Variants in UAP1 observed in about 807,000 individuals in gnomAD.
UAP1 encodes UDP-N-acetylglucosamine pyrophosphorylase 1.
UAP1 carries 25 observed loss-of-function variants against 58.5 expected under a neutral mutation model. The ratio of observed to expected loss-of-function variants is 0.43; its 90% CI spans 0.31 to 0.60. The LOEUF (loss-of-function observed/expected upper bound fraction) is 0.60. UAP1 is among the 20% of genes least tolerant of loss of function. The pLI is 0.11. For missense variants in UAP1, 575 were observed against 630.0 expected, an observed-to-expected ratio of 0.91 and a Z score of 0.93; for synonymous variants, 208 against 213.0, an observed-to-expected ratio of 0.98 and a Z score of 0.21.
At chr1:162,597,836 C>T in exon 10 of UAP1, 1 of 1,613,184 alleles carries the variant, frequency 6.2e-7, no homozygotes, top group Non-Finnish European at 8.5e-7. Context: ...GAAATCTCTC[C>T]TCTTATCTCC....
At chr1:162,583,224 C>G (rs35823656) in intron 5 of UAP1, among the ~76,000 whole-genome samples, 9,328 of 133,872 alleles carry the variant, frequency 0.07, 441 homozygotes, top group Non-Finnish European at 0.095. Context: ...ATGATCTTGG[C>G]TCACTGCAAC....
At chr1:162,598,273 T>G (rs1655731563) in intron 10 of UAP1, among the ~76,000 whole-genome samples, 1 of 148,606 alleles carries the variant, frequency 6.7e-6, no homozygotes. Context: ...TTGTTTTATG[T>G]TTAAGTAGGG....
At chr1:162,579,141 A>G (rs1349694705) in intron 3 of UAP1, among the ~76,000 whole-genome samples, 14 of 152,184 alleles carry the variant, frequency 9.2e-5, no homozygotes, top group Admixed American at 9.2e-4. Context: ...CAGAGTTCTA[A>G]AATGTTTACT....
rs375854836 is a variant in UAP1, at chr1:162,599,390, G to A, written c.*27G>A. On this transcript the variant is annotated 3_prime_UTR_variant, in exon 11 of 11. Transcript: ENST00000271469. ...CCAGATACCAAGTTTTGTTTGCCAC[G>A]ATAGGAATAGCTTTTATTTTTGATA... is the stretch of plus-strand genomic sequence containing the variant. 5.4e-5 allele frequency: 80 copies of A among 1,472,474 alleles called. No homozygotes were observed. In the East Asian group the frequency reaches 8.0e-4, roughly 15 times the overall value. The allele number at this position is 1,472,474 out of a possible 1,614,324, so 91.2% of individuals were successfully genotyped here. A position where few individuals can be genotyped will look rare whatever the true frequency, so the allele number is the denominator to read the frequency against.
At chr1:162,580,309 A>G (rs1654504899) in intron 4 of UAP1, among the ~76,000 whole-genome samples, 1 of 152,252 alleles carries the variant, frequency 6.6e-6, no homozygotes, top group Non-Finnish European at 1.5e-5. Context: ...TAGCATTAAA[A>G]TAATTGGTGG....
At chr1:162,599,925 G>A (rs1298020561), downstream of UAP1, 1 of 152,220 alleles carries the variant, frequency 6.6e-6, no homozygotes, top group Non-Finnish European at 1.5e-5. Context: ...ACAAATTGAT[G>A]CTTCAGTGAG....
At chr1:162,579,085 T>G (rs545390510) in intron 3 of UAP1, among the ~76,000 whole-genome samples, 1 of 152,314 alleles carries the variant, frequency 6.6e-6, no homozygotes, top group South Asian at 2.1e-4. Context: ...ACCCTTTTCT[T>G]CCTGTTTATT....
rs67627704 is a variant in UAP1, at chr1:162,577,435, CTTTTTTTTTTTTT to C, written c.485+473_485+485del. Among the ~76,000 whole-genome samples, 749 of 95,270 alleles carry C rather than the reference CTTTTTTTTTTTTT, an allele frequency of 7.9e-3. 12 individuals are homozygous for C. The highest frequency in any genetic ancestry group is 0.033 in the African/African-American group (684 of 21,042). The allele number at this position is 95,270 out of a possible 152,430, so 62.5% of individuals were successfully genotyped here. A position where few individuals can be genotyped will look rare whatever the true frequency, so the allele number is the denominator to read the frequency against. On this transcript the variant is annotated intron_variant, in intron 3 of 10. Transcript: ENST00000271469. ...ACCTTGGTCAGTGTTAGTTCCTTCC[CTTTTTTTTTTTTT>C]TTTTTTTTTTTTTTTTTTGAGACAG... is the stretch of plus-strand genomic sequence containing the variant.
At chr1:162,587,750 C>T (rs891023851) in intron 6 of UAP1, 82 bp downstream of exon 6, 1 of 1,315,818 alleles carries the variant, frequency 7.6e-7, no homozygotes, top group Non-Finnish European at 1.1e-6. Flanking sequence ...GCAGACACCC[C>T]AAGTCCATAT....
chr1:162,569,890 C>G (rs953367489), intron 2 of UAP1, among the ~76,000 whole-genome samples: 30 of 152,046 alleles, frequency 2.0e-4, no homozygotes, highest in African/African-American at 7.2e-4. Context: ...TGGCTCATGC[C>G]TGTAATCCCA....
intron 2 of UAP1, among the ~76,000 whole-genome samples, chr1:162,574,282 G>T (rs979528469): frequency 6.6e-6 from 1 of 151,776 alleles, no homozygotes; most frequent in South Asian, 2.1e-4. Flanking sequence ...CAGTAGAGAC[G>T]GGGTTTCACC....
At chr1:162,563,854 C>T (rs977750420) in intron 1 of UAP1, among the ~76,000 whole-genome samples, 15 of 152,128 alleles carry the variant, frequency 9.9e-5, no homozygotes, top group Non-Finnish European at 1.9e-4. Context: ...GGTTGGTTGT[C>T]TTATATTCAT....
intron 3 of UAP1, among the ~76,000 whole-genome samples, chr1:162,578,710 A>G (rs529172474): frequency 6.6e-6 from 1 of 152,356 alleles, no homozygotes; most frequent in African/African-American, 2.4e-5. Flanking sequence ...TATCCAGGAT[A>G]ATTTGTTAAA....
chr1:162,588,657 G>A lies in UAP1; in HGVS notation c.1029-36G>A, dbSNP rs1188567404. On this transcript the variant is annotated intron_variant, in intron 6 of 10. Transcript: ENST00000271469. Reference sequence around the variant, plus strand: ...AAGATTTTCTGGCATTTTAAATCTGGAACGTGATTATATCTTTTCTCCTCC... The same window carrying A: ...AAGATTTTCTGGCATTTTAAATCTGAAACGTGATTATATCTTTTCTCCTCC... The A allele has an allele frequency of 1.9e-6, 3 of 1,578,984 alleles. No individual in the cohort carries two copies. In the African/African-American group the frequency reaches 4.1e-5, roughly 22 times the overall value.
chr1:162,589,339 G>T (rs1458507247), intron 7 of UAP1, among the ~76,000 whole-genome samples: 2 of 141,396 alleles, frequency 1.4e-5, no homozygotes, highest in Admixed American at 7.7e-5. Flanking sequence ...TATTAAATGT[G>T]ATGGGGTCTT....
chr1:162,595,883 G>T (rs1655590861), intron 9 of UAP1, among the ~76,000 whole-genome samples: 1 of 152,024 alleles, frequency 6.6e-6, no homozygotes, highest in Non-Finnish European at 1.5e-5. Context: ...ACAGTGTCTT[G>T]CTCTGTTGCC....
At chr1:162,585,319 G>A (rs992939379) in intron 5 of UAP1, among the ~76,000 whole-genome samples, 5 of 151,464 alleles carry the variant, frequency 3.3e-5, no homozygotes, top group East Asian at 1.9e-4. Flanking sequence ...GCGCAATGGC[G>A]CAATCTTGGC....
At chr1:162,563,670 G>A (rs1653316638) in intron 1 of UAP1, among the ~76,000 whole-genome samples, 1 of 152,160 alleles carries the variant, frequency 6.6e-6, no homozygotes, top group Non-Finnish European at 1.5e-5. Flanking sequence ...GCCCTATGAG[G>A]TATCTTATTT....
intron 9 of UAP1, among the ~76,000 whole-genome samples, chr1:162,596,243 T>G (rs947717479): frequency 1.4e-4 from 22 of 152,064 alleles, no homozygotes; most frequent in African/African-American, 5.3e-4. Context: ...TGGTGCAATC[T>G]CGGCTCACTG....
Sources: allele counts gnomAD v4.1 joint callset (sites outside exome capture counted in the v4.1 genomes callset), GRCh38; gene constraint gnomAD v4.1.1; transcripts MANE v1.5; gene names NCBI Gene and HGNC (gene_info 2026-07-23, HGNC 2026-07-21).